Variants in WNT11 observed in about 807,000 individuals in gnomAD.
WNT11 encodes Wnt family member 11, also known as protein Wnt-11.
A neutral mutation model predicts 35.6 loss-of-function variants in WNT11; 20 were observed. The ratio of observed to expected loss-of-function variants is 0.56; its 90% CI spans 0.40 to 0.82. WNT11 has a LOEUF of 0.82. Ranked by LOEUF, WNT11 falls within the 40% of genes least tolerant of loss-of-function variation. The pLI, the probability that WNT11 is intolerant of heterozygous loss-of-function variation, is 0.00. For synonymous variants in WNT11, 200 were observed against 211.9 expected (o/e 0.94, Z 0.49); for missense variants, 459 against 504.4 (o/e 0.91, Z 0.86).
chr11:76,191,621 C>T lies in WNT11; in HGVS notation c.833G>A (p.Ser278Asn). The change falls in exon 4 of 5, where the codon AGC becomes AAC. Residue 278 changes from serine (S) to asparagine (N), a missense_variant. Coordinates refer to ENST00000322563, the MANE Select transcript of WNT11 (RefSeq NM_004626.3). ...ATTCTTCATGCAGAAGTCAGGTGAG[C>T]TCTGCAGATAGACGAGTTCCGAGTC... ...VKDSELVYLQ[S>N]SPDFCMKNEK... is the part of the protein sequence containing the mutation. 3 of 1,613,942 alleles carry T rather than the reference C, an allele frequency of 1.9e-6. No homozygotes were observed. The highest frequency in any genetic ancestry group is 2.5e-6 in the Non-Finnish European group (3 of 1,179,988).
Position 76,187,021 on chromosome 11 carries a change from C to A in WNT11, c.*44G>T. On this transcript the variant is annotated 3_prime_UTR_variant, in exon 5 of 5. Transcript: ENST00000322563. ...CCCCTGGCCCCAGTTGCTGAGGGTC[C>A]TTGAGCAGAGTCCTCGCTCCTGCGT... is the stretch of plus-strand genomic sequence containing the variant. 6.2e-7 allele frequency: 1 copy of A among 1,603,200 alleles called. No homozygotes were observed. Among genetic ancestry groups the A allele is most frequent in the Non-Finnish European group, 8.5e-7 (1 of 1,179,598 alleles).
upstream of WNT11, chr11:76,206,581 TCGGGG>T: frequency 3.4e-6 from 4 of 1,171,344 alleles, no homozygotes; most frequent in Middle Eastern, 3.4e-4. Flanking sequence ...AAAGGAGGGG[TCGGGG>T]CCCGGGGAGG....
intron 4 of WNT11, among the ~76,000 whole-genome samples, chr11:76,188,783 T>C (rs1282737483): frequency 1.3e-5 from 2 of 152,186 alleles, no homozygotes. Flanking sequence ...AGGCCATTCA[T>C]GAAGGATAAG....
chr11:76,200,957 C>A (rs1363779423), intron 1 of WNT11, among the ~76,000 whole-genome samples: 1 of 152,202 alleles, frequency 6.6e-6, no homozygotes, highest in Non-Finnish European at 1.5e-5. Flanking sequence ...GGGGGCTGAG[C>A]CTCTTCCTGG....
Position 76,187,149 on chromosome 11 carries a change from C to G in WNT11, c.981G>C (p.Glu327Asp). Residue 327 changes from glutamate (E) to aspartate (D), a missense_variant, in exon 5 of 5, where the codon GAG (glutamate) becomes GAC (aspartate). Transcript: ENST00000322563. Reference sequence around the variant, plus strand: ...ACCAGTGGTACTTACAGTGGCACCGCTCGACCACGCGGTCTGTGTAGGGGT... The same window carrying G: ...ACCAGTGGTACTTACAGTGGCACCGGTCGACCACGCGGTCTGTGTAGGGGT... Reference protein sequence around the residue: ...GYNPYTDRVVERCHCKYHWCC... With the variant: ...GYNPYTDRVVDRCHCKYHWCC... 6.2e-7 allele frequency: 1 copy of G among 1,612,150 alleles called. No individual in the cohort carries two copies.
chr11:76,206,906 G>A (rs1953484929), upstream of WNT11: 1 of 153,112 alleles, frequency 6.5e-6, no homozygotes, highest in Non-Finnish European at 1.5e-5. Context: ...TGAGGAATCA[G>A]GAGTCCAGGC....
Position 76,206,309 on chromosome 11 carries a change from CG to C in WNT11, c.83+15del. The C allele has an allele frequency of 6.5e-7, 1 of 1,529,522 alleles. No homozygotes were observed. The highest frequency in any genetic ancestry group is 8.8e-7 in the Non-Finnish European group (1 of 1,139,118). 94.7% of individuals were successfully genotyped at this position (1,529,522 alleles called of 1,614,324 possible). A position where few individuals can be genotyped will look rare whatever the true frequency, so the allele number is the denominator to read the frequency against. On this transcript the variant is annotated intron_variant, in intron 1 of 4. Coordinates refer to ENST00000322563, the MANE Select transcript of WNT11 (RefSeq NM_004626.3). ...AGTCCCTGGCCTGTGCGCGTGGACG[CG>C]GGGTCCCTACTCACAGCCACTTGAT...
At position 76,187,131 on chromosome 11, in the gene WNT11, G is replaced by T; in HGVS notation, c.999C>A (p.Tyr333Ter). 6.2e-7 allele frequency: 1 copy of T among 1,612,518 alleles called. No homozygotes were observed. Among genetic ancestry groups the T allele is most frequent in the Non-Finnish European group, 8.5e-7 (1 of 1,180,034 alleles). ...DRVVERCHCK[Y>*]HWCCYVTCRR... ...GGCAGGTGACGTAGCAGCACCAGTG[G>T]TACTTACAGTGGCACCGCTCGACCA... Residue 333 changes from tyrosine (Y) to a stop codon, truncating the protein, a stop_gained, in exon 5 of 5, where the codon TAC (tyrosine) becomes TAA (stop). Coordinates refer to ENST00000322563, the MANE Select transcript of WNT11 (RefSeq NM_004626.3). LOFTEE classifies it high-confidence loss of function.
chr11:76,208,699 C>T (rs149728036), upstream of WNT11, among the ~76,000 whole-genome samples: 2,272 of 152,198 alleles, frequency 0.015, 49 homozygotes, highest in African/African-American at 0.05. Flanking sequence ...AGGAGGAGCC[C>T]CCTAGGTCGC....
chr11:76,186,464 A>G lies in WNT11; in HGVS notation c.*601T>C, dbSNP rs1340557685. 2 of 149,860 alleles carry G rather than the reference A, an allele frequency of 1.3e-5. No homozygotes were observed. Among genetic ancestry groups the G allele is most frequent in the Admixed American group, 6.7e-5 (1 of 15,032 alleles). 9.3% of individuals were successfully genotyped at this position (149,860 alleles called of 1,614,324 possible). On this transcript the variant is annotated 3_prime_UTR_variant, in exon 5 of 5. Transcript: ENST00000322563. Reference sequence around the variant, plus strand: ...CTGCTTAAAAAGCTAGTTTTAAAATAGAGATCATTATATATATACATATAT... The same window carrying G: ...CTGCTTAAAAAGCTAGTTTTAAAATGGAGATCATTATATATATACATATAT...
intron 4 of WNT11, among the ~76,000 whole-genome samples, chr11:76,189,732 G>A (rs183853401): frequency 1.5e-3 from 235 of 152,218 alleles, no homozygotes; most frequent in African/African-American, 5.1e-3. Flanking sequence ...TTTCTGTCAC[G>A]ACCTGAGCCC....
At position 76,187,062 on chromosome 11, in the gene WNT11, G is replaced by T. The variant is rs759226491; in HGVS notation, c.*3C>A. 6.2e-7 allele frequency: 1 copy of T among 1,609,502 alleles called. No homozygotes were observed. Among genetic ancestry groups the T allele is most frequent in the Non-Finnish European group, 8.5e-7 (1 of 1,179,916 alleles). ...GCTCCTGCGTGGGGCGGAGGGCAGGGCCTCACTTGCAGACATAGCGCTCCA... is the reference window on the plus strand; with the variant it reads ...GCTCCTGCGTGGGGCGGAGGGCAGGTCCTCACTTGCAGACATAGCGCTCCA... On this transcript the variant is annotated 3_prime_UTR_variant, in exon 5 of 5. Coordinates refer to ENST00000322563, the MANE Select transcript of WNT11 (RefSeq NM_004626.3).
At chr11:76,193,459 C>T (rs183142189) in intron 3 of WNT11, among the ~76,000 whole-genome samples, 151 of 151,390 alleles carry the variant, frequency 1.0e-3, no homozygotes, top group Non-Finnish European at 1.9e-3. Flanking sequence ...TGGCCGCTGG[C>T]GAAGGGCTCC....
intron 3 of WNT11, among the ~76,000 whole-genome samples, chr11:76,192,679 G>A (rs892532580): frequency 6.6e-6 from 1 of 152,256 alleles, no homozygotes; most frequent in Non-Finnish European, 1.5e-5. Context: ...TGGGCTCAGA[G>A]GCTTGGGGAG....
intron 2 of WNT11, among the ~76,000 whole-genome samples, chr11:76,195,695 G>A (rs918123682): frequency 6.6e-6 from 1 of 152,192 alleles, no homozygotes; most frequent in Non-Finnish European, 1.5e-5. Context: ...CCTGGCCATC[G>A]GTCCGAGCCA....
Position 76,194,870 on chromosome 11 carries a change from C to A in WNT11, c.320-26G>T. The stretch of plus-strand genomic sequence containing the variant: ...CTGAGGGTGGGAGGGGAAGGTCAGC[C>A]GACGCTGATCCAGGGCTAGGACCCT... On this transcript the variant is annotated intron_variant, in intron 2 of 4. Coordinates refer to ENST00000322563, the MANE Select transcript of WNT11 (RefSeq NM_004626.3). This position sits in a 1 kb window ranked among gnomAD's most constrained non-coding sequence, Gnocchi z 5.4. The A allele has an allele frequency of 6.8e-7, 1 of 1,473,874 alleles. No individual in the cohort carries two copies. Among genetic ancestry groups the A allele is most frequent in the Non-Finnish European group, 8.9e-7 (1 of 1,117,786 alleles). 91.3% of individuals were successfully genotyped at this position (1,473,874 alleles called of 1,614,324 possible). A position where few individuals can be genotyped will look rare whatever the true frequency, so the allele number is the denominator to read the frequency against.
intron 1 of WNT11, among the ~76,000 whole-genome samples, chr11:76,201,473 G>GGACATCTT (rs1953376576): frequency 6.6e-6 from 1 of 152,196 alleles, no homozygotes; most frequent in African/African-American, 2.4e-5. Context: ...TTCTCCTTGT[G>GGACATCTT]GACATCTTGC....
In WNT11 at chr11:76,196,716, G is replaced by T; in HGVS notation, c.86C>A (p.Ala29Glu). ...CAGGGCCGATGGTGTCTTGGACAGCGCCCTGCACACCATGGAAAGGCCATG... is the reference window on the plus strand; with the variant it reads ...CAGGGCCGATGGTGTCTTGGACAGCTCCCTGCACACCATGGAAAGGCCATG... ...TGVCYGIKWL[A>E]LSKTPSALAL... Residue 29 changes from alanine (A) to glutamate (E), a missense_variant and splice_region_variant, in exon 2 of 5, where the codon GCG (alanine) becomes GAG (glutamate). Coordinates refer to ENST00000322563, the MANE Select transcript of WNT11 (RefSeq NM_004626.3). 1 of 1,600,264 alleles carries T rather than the reference G, an allele frequency of 6.2e-7. No individual in the cohort carries two copies. The highest frequency in any genetic ancestry group is 2.3e-5 in the East Asian group (1 of 44,234).
intron 1 of WNT11, among the ~76,000 whole-genome samples, chr11:76,203,112 C>T (rs1164005410): frequency 2.0e-5 from 3 of 152,226 alleles, no homozygotes; most frequent in Admixed American, 6.5e-5. Context: ...AACTGAGGCC[C>T]GGAAAGGGCA....
Sources: gnomAD v4.1 joint callset for allele counts (sites outside exome capture counted in the v4.1 genomes callset) on GRCh38, gnomAD v4.1.1 for gene constraint, Gnocchi (gnomAD v3.1) non-coding constraint, MANE v1.5 for transcripts, NCBI Gene and HGNC (gene_info 2026-07-23, HGNC 2026-07-21) for gene names.